Variants in CELF4 observed in about 807,000 individuals in gnomAD.
CELF4 encodes the protein CUGBP Elav-like family member 4, also known as CUG-BP- and ETR-3-like factor 4.
Under a neutral mutation model 59.9 loss-of-function variants are expected in CELF4, and 18 were observed. The observed-to-expected ratio is 0.30, with a 90% CI of 0.21 to 0.45. The LOEUF is 0.45. Among genes scored for constraint, CELF4 ranks in the 20% least tolerant of loss-of-function variants. The pLI is 1.00. For missense variants in CELF4, 456 were observed against 689.0 expected, an observed-to-expected ratio of 0.66 and a Z score of 3.79; for synonymous variants, 261 against 267.1, an observed-to-expected ratio of 0.98 and a Z score of 0.22.
At chr18:37,327,192 C>A (rs901298798) in intron 2 of CELF4, among the ~76,000 whole-genome samples, 2 of 152,150 alleles carry the variant, frequency 1.3e-5, no homozygotes, top group African/African-American at 4.8e-5. Flanking sequence ...CCTCCTCTTG[C>A]ATCTGGTTCT....
At chr18:37,311,968 A>G (rs1165442311) in intron 3 of CELF4, among the ~76,000 whole-genome samples, 3 of 140,210 alleles carry the variant, frequency 2.1e-5, no homozygotes, top group South Asian at 2.3e-4. Flanking sequence ...AAAATTAGCC[A>G]GGCATGGTGG....
intron 5 of CELF4, 29 bp downstream of exon 5, chr18:37,274,776 C>T: frequency 2.6e-6 from 4 of 1,547,734 alleles, no homozygotes; most frequent in Non-Finnish European, 2.6e-6. Context: ...CCGCTGCCCT[C>T]GCCCCCGCCC....
chr18:37,400,783 T>C (rs909346739), intron 2 of CELF4, among the ~76,000 whole-genome samples: 5 of 152,222 alleles, frequency 3.3e-5, no homozygotes, highest in Non-Finnish European at 5.9e-5. Flanking sequence ...GACTGGTGTC[T>C]ATTTTACTCT....
chr18:37,255,827 G>A (rs1287546312), intron 11 of CELF4, among the ~76,000 whole-genome samples: 1 of 152,112 alleles, frequency 6.6e-6, no homozygotes, highest in African/African-American at 2.4e-5. Flanking sequence ...AGAAGGGAGG[G>A]GAAAGAAGAT....
chr18:37,275,307 G>T lies in CELF4; in HGVS notation c.449-64C>A, dbSNP rs1341304482. On this transcript the variant is annotated intron_variant, in intron 3 of 12. Transcript: ENST00000420428. Reference sequence around the variant, plus strand: ...CCGGGCTGCGCGGGAGCAGGGCAAGGCCGGAGGGGGAGAGCGGCAGGGAAA... The same window carrying T: ...CCGGGCTGCGCGGGAGCAGGGCAAGTCCGGAGGGGGAGAGCGGCAGGGAAA... 4.5e-6 allele frequency: 7 copies of T among 1,566,310 alleles called. No individual in the cohort carries two copies. In the African/African-American group the frequency reaches 8.2e-5, roughly 18 times the overall value.
At chr18:37,498,529 C>T (rs2099927805) in intron 1 of CELF4, among the ~76,000 whole-genome samples, 1 of 148,968 alleles carries the variant, frequency 6.7e-6, no homozygotes, top group Admixed American at 6.8e-5. Context: ...CCCTTACCTT[C>T]TCCCTCCCTC....
intron 1 of CELF4, among the ~76,000 whole-genome samples, chr18:37,540,247 G>A (rs182871127): frequency 1.3e-5 from 2 of 152,326 alleles, no homozygotes; most frequent in Non-Finnish European, 2.9e-5. Context: ...TGGCCCTAGG[G>A]TCCTCCCGTC....
chr18:37,281,441 G>A (rs1038003870), intron 3 of CELF4, among the ~76,000 whole-genome samples: 20 of 152,194 alleles, frequency 1.3e-4, no homozygotes, highest in African/African-American at 2.7e-4. Context: ...TTTTATTACC[G>A]CAGTAGATTT....
intron 10 of CELF4, among the ~76,000 whole-genome samples, chr18:37,263,739 A>G (rs2076067060): frequency 6.6e-6 from 1 of 151,516 alleles, no homozygotes; most frequent in Non-Finnish European, 1.5e-5. Flanking sequence ...GGGCCTTGGG[A>G]CACAGCTTTC....
rs571943929 is a variant in CELF4 at position 37,518,760 on chromosome 18, G to C, written c.287-33153C>G. Reference sequence around the variant, plus strand: ...CACTGGGCAGTCTGCTACCTCCTGAGGCCCTCAGCTCTACAGCTGAGCAGC... The same window carrying C: ...CACTGGGCAGTCTGCTACCTCCTGACGCCCTCAGCTCTACAGCTGAGCAGC... On this transcript the variant is annotated intron_variant, in intron 1 of 12. Coordinates refer to ENST00000420428, the MANE Select transcript of CELF4 (RefSeq NM_020180.4). 1.3e-3 allele frequency among the ~76,000 whole-genome samples: 201 copies of C among 152,320 alleles called. 1 individual carries two copies. The highest frequency in any genetic ancestry group is 2.2e-3 in the Non-Finnish European group (152 of 68,022).
At chr18:37,337,451 T>C (rs1314673203) in intron 2 of CELF4, among the ~76,000 whole-genome samples, 1 of 152,184 alleles carries the variant, frequency 6.6e-6, no homozygotes, top group East Asian at 1.9e-4. Context: ...GTCTAATTTC[T>C]TTCCCGGCTG....
intron 1 of CELF4, among the ~76,000 whole-genome samples, chr18:37,540,348 T>C (rs2099976902): frequency 2.0e-5 from 3 of 152,254 alleles, no homozygotes. Context: ...AGCGTCTCTC[T>C]TTGTGTGTTG....
At chr18:37,518,515 G>T (rs1253310459) in intron 1 of CELF4, among the ~76,000 whole-genome samples, 3 of 152,154 alleles carry the variant, frequency 2.0e-5, no homozygotes, top group Non-Finnish European at 4.4e-5. Flanking sequence ...TCTCCGGGCA[G>T]GCAAGGGGGA....
rs1034470982 is a variant in CELF4 at position 37,365,331 on chromosome 18, C to A, written c.370-43450G>T. Among the ~76,000 whole-genome samples the A allele has an allele frequency of 3.3e-5, 5 of 151,986 alleles. No individual in the cohort carries two copies. The East Asian group carries it at 7.7e-4, about 23-fold the overall frequency. On this transcript the variant is annotated intron_variant, in intron 2 of 12. Coordinates refer to ENST00000420428, the MANE Select transcript of CELF4 (RefSeq NM_020180.4). ...TTTCTGAATACCCTTCTACCAAGCCCGATGGAGTGAACATAATGAAACCTC... is the reference window on the plus strand; with the variant it reads ...TTTCTGAATACCCTTCTACCAAGCCAGATGGAGTGAACATAATGAAACCTC...
intron 1 of CELF4, among the ~76,000 whole-genome samples, chr18:37,546,390 GCACA>G (rs138332587): frequency 6.0e-5 from 9 of 150,500 alleles, no homozygotes; most frequent in South Asian, 2.1e-4. Flanking sequence ...ACATGTATGC[GCACA>G]CACACACACA....
Position 37,287,499 on chromosome 18 carries a change from G to A in CELF4, c.449-12256C>T, listed in dbSNP as rs150110325. On this transcript the variant is annotated intron_variant, in intron 3 of 12. Coordinates refer to ENST00000420428, the MANE Select transcript of CELF4 (RefSeq NM_020180.4). ...AGGGGACCTCTCTAGGTCAGCACGC[G>A]GCTTAGCCCCTGAGGGCTTTGCAAG... Among the ~76,000 whole-genome samples, 37 of 152,284 alleles carry A rather than the reference G, an allele frequency of 2.4e-4. No individual in the cohort carries two copies. The East Asian group carries it at 7.1e-3, about 29-fold the overall frequency.
chr18:37,401,938 C>G (rs150095946), intron 2 of CELF4, among the ~76,000 whole-genome samples: 138 of 152,346 alleles, frequency 9.1e-4, no homozygotes, highest in Non-Finnish European at 1.5e-3. Flanking sequence ...GTCTTCCTGC[C>G]TATTCAGGTG....
chr18:37,465,103 C>A (rs192673660), intron 2 of CELF4, among the ~76,000 whole-genome samples: 16 of 152,126 alleles, frequency 1.1e-4, no homozygotes, highest in Non-Finnish European at 1.8e-4. Flanking sequence ...GGCTCTGGGA[C>A]GGCCAGTGTC....
intron 2 of CELF4, among the ~76,000 whole-genome samples, chr18:37,326,064 ACT>A: frequency 6.6e-6 from 1 of 152,100 alleles, no homozygotes; most frequent in South Asian, 2.1e-4. Context: ...CTCAGCCCTG[ACT>A]CTGCCCTGAA....
Sources: gnomAD v4.1 joint callset for allele counts (sites outside exome capture counted in the v4.1 genomes callset) on GRCh38, gnomAD v4.1.1 for gene constraint, MANE v1.5 for transcripts, NCBI Gene and HGNC (gene_info 2026-07-23, HGNC 2026-07-21) for gene names.